The following PTPRD variants were observed in gnomAD, a reference collection of about 807,000 sequenced individuals.
The protein encoded by PTPRD is protein tyrosine phosphatase receptor type D.
A neutral mutation model predicts 214.5 loss-of-function variants in PTPRD; 34 were observed. The observed-to-expected ratio is 0.16, with a 90% CI of 0.12 to 0.21. The LOEUF is 0.21. Among genes scored for constraint, PTPRD ranks in the 10% least tolerant of loss-of-function variants. PTPRD has a pLI of 1.00. For missense variants in PTPRD, 2,545 were observed against 2,398.7 expected (o/e 1.06, Z -1.27); for synonymous variants, 1,128 against 845.7 (o/e 1.33, Z -5.79).
chr9:9,335,827 G>C (rs2044222571), intron 9 of PTPRD, among the ~76,000 whole-genome samples: 1 of 151,978 alleles, frequency 6.6e-6, no homozygotes, highest in Non-Finnish European at 1.5e-5. Context: ...AAAGCAATTT[G>C]GACTTTCAAC....
At chr9:9,554,143 T>C (rs1451479376) in intron 8 of PTPRD, among the ~76,000 whole-genome samples, 2 of 152,052 alleles carry the variant, frequency 1.3e-5, no homozygotes, top group East Asian at 3.9e-4. Flanking sequence ...TCCAAAAATA[T>C]TAATTGCAAA....
At chr9:8,980,799 A>G (rs1310539402) in intron 11 of PTPRD, among the ~76,000 whole-genome samples, 1 of 152,132 alleles carries the variant, frequency 6.6e-6, no homozygotes, top group Admixed American at 6.6e-5. Flanking sequence ...CTCAAAGCCA[A>G]TCCCTGGGGA....
rs572155918 is a variant in PTPRD, at chr9:9,443,368, A to G, written c.-236-45886T>C. Among the ~76,000 whole-genome samples, 7 of 152,090 alleles carry G rather than the reference A, an allele frequency of 4.6e-5. No individual in the cohort carries two copies. The East Asian group carries it at 1.4e-3, about 29-fold the overall frequency. On this transcript the variant is annotated intron_variant, in intron 8 of 45. Coordinates refer to ENST00000381196, the MANE Select transcript of PTPRD (RefSeq NM_002839.4). Reference sequence around the variant, plus strand: ...CCACTTCAGAAACTAAACAGAAACTACTCTTTTGTAGAGGATTAAGGATGG... The same window carrying G: ...CCACTTCAGAAACTAAACAGAAACTGCTCTTTTGTAGAGGATTAAGGATGG...
At chr9:8,892,505 A>G (rs2098547984) in intron 11 of PTPRD, among the ~76,000 whole-genome samples, 1 of 151,426 alleles carries the variant, frequency 6.6e-6, no homozygotes, top group Admixed American at 6.6e-5. Flanking sequence ...ATAATAATAC[A>G]AAGTTGAATA....
At chr9:8,389,747 C>G (rs1245432176) in intron 36 of PTPRD, among the ~76,000 whole-genome samples, 1 of 152,138 alleles carries the variant, frequency 6.6e-6, no homozygotes, top group East Asian at 1.9e-4. Context: ...TGGTAACATT[C>G]CTCACCCATG....
At chr9:9,718,479 T>C (rs1228667371) in intron 7 of PTPRD, among the ~76,000 whole-genome samples, 9 of 152,088 alleles carry the variant, frequency 5.9e-5, no homozygotes, top group Admixed American at 3.9e-4. Context: ...CCCAACTAAA[T>C]AGTGAGGTGG....
At chr9:8,589,863 G>A (rs1173619335) in intron 14 of PTPRD, among the ~76,000 whole-genome samples, 7 of 152,086 alleles carry the variant, frequency 4.6e-5, no homozygotes, top group African/African-American at 1.7e-4. Flanking sequence ...GTCTCACAGT[G>A]GCTACGTTCA....
intron 12 of PTPRD, among the ~76,000 whole-genome samples, chr9:8,665,131 G>A (rs749217654): frequency 3.3e-5 from 5 of 152,158 alleles, no homozygotes; most frequent in African/African-American, 4.8e-5. Context: ...TTTTTGGAGG[G>A]AGGGTGTGGT....
At chr9:8,690,384 G>A (rs1016918017) in intron 12 of PTPRD, among the ~76,000 whole-genome samples, 3 of 151,670 alleles carry the variant, frequency 2.0e-5, no homozygotes, top group Non-Finnish European at 4.4e-5. Context: ...AAAATTAGCC[G>A]GGCATGGTGG....
intron 3 of PTPRD, among the ~76,000 whole-genome samples, chr9:10,140,327 TA>T (rs71485321): frequency 4.0e-5 from 6 of 149,222 alleles, no homozygotes; most frequent in African/African-American, 4.9e-5. Flanking sequence ...CAATCATTAA[TA>T]AAAAAAAATT....
chr9:9,830,057 T>C (rs2054301616), intron 5 of PTPRD, among the ~76,000 whole-genome samples: 1 of 151,724 alleles, frequency 6.6e-6, no homozygotes, highest in Non-Finnish European at 1.5e-5. Flanking sequence ...TTCCTAAACA[T>C]TCATCTCTAT....
chr9:9,099,434 G>C (rs1403709539), intron 10 of PTPRD, among the ~76,000 whole-genome samples: 1 of 152,154 alleles, frequency 6.6e-6, no homozygotes, highest in African/African-American at 2.4e-5. Flanking sequence ...TCTGTGGACT[G>C]TATCAGTCTT....
intron 10 of PTPRD, among the ~76,000 whole-genome samples, chr9:9,140,105 C>G (rs1010060105): frequency 1.3e-5 from 2 of 149,990 alleles, no homozygotes; most frequent in African/African-American, 4.9e-5. Context: ...GAAGAAGAGT[C>G]TAACATTTCT....
chr9:8,656,407 A>G (rs915209705), intron 12 of PTPRD, among the ~76,000 whole-genome samples: 4 of 152,040 alleles, frequency 2.6e-5, no homozygotes, highest in South Asian at 2.1e-4. Context: ...CTAATCCCCA[A>G]TCGAATATCA....
intron 5 of PTPRD, among the ~76,000 whole-genome samples, chr9:9,825,532 C>T (rs2052514093): frequency 6.6e-6 from 1 of 151,872 alleles, no homozygotes; most frequent in Non-Finnish European, 1.5e-5. Flanking sequence ...CATATAGACA[C>T]TGCATACTGT....
intron 33 of PTPRD, among the ~76,000 whole-genome samples, chr9:8,455,045 GTA>G (rs1305465775): frequency 6.6e-6 from 1 of 152,114 alleles, no homozygotes; most frequent in Non-Finnish European, 1.5e-5. Flanking sequence ...CAATTAAGAG[GTA>G]TGTCATTCCT....
chr9:8,825,810 T>TC (rs1355607600), intron 11 of PTPRD, among the ~76,000 whole-genome samples: 2 of 72,142 alleles, frequency 2.8e-5, no homozygotes, highest in African/African-American at 1.7e-4. Flanking sequence ...TAGAGTAACT[T>TC]CCGACATTCC....
chr9:8,343,021 C>T (rs1854016582), intron 39 of PTPRD, among the ~76,000 whole-genome samples: 1 of 151,996 alleles, frequency 6.6e-6, no homozygotes, highest in Non-Finnish European at 1.5e-5. Context: ...ATAGGTCTGG[C>T]AAGGCACCTT....
At chr9:10,137,570 A>G (rs1394281276) in intron 3 of PTPRD, among the ~76,000 whole-genome samples, 2 of 83,808 alleles carry the variant, frequency 2.4e-5, no homozygotes, top group Middle Eastern at 0.013. Flanking sequence ...GGGAGGGGGG[A>G]GGGATAGCAC....
Sources: gnomAD v4.1 joint callset for allele counts (sites outside exome capture counted in the v4.1 genomes callset) on GRCh38, gnomAD v4.1.1 for gene constraint, MANE v1.5 for transcripts, NCBI Gene and HGNC (gene_info 2026-07-23, HGNC 2026-07-21) for gene names.